Variants in RANBP2 observed in about 807,000 individuals in gnomAD.
RANBP2 encodes RAN binding protein 2.
Under a neutral mutation model 303.6 loss-of-function variants are expected in RANBP2, and 57 were observed. The observed-to-expected ratio is 0.19, with a 90% CI of 0.15 to 0.23. The LOEUF is 0.23. Among genes scored for constraint, RANBP2 ranks in the 10% least tolerant of loss-of-function variants. The pLI, the probability that RANBP2 is intolerant of heterozygous loss-of-function variation, is 1.00. For synonymous variants in RANBP2, 1,167 were observed against 1,301.5 expected, an observed-to-expected ratio of 0.90 and a Z score of 2.23; for missense variants, 3,138 against 3,780.8, an observed-to-expected ratio of 0.83 and a Z score of 4.46.
chr2:109,703,672 G>T, the RANBP2 span, among the ~76,000 whole-genome samples: 3 of 151,964 alleles, frequency 2.0e-5, no homozygotes, highest in African/African-American at 4.8e-5. Flanking sequence ...CAGGTGATCC[G>T]CCCGCCTCGG....
the RANBP2 span, among the ~76,000 whole-genome samples, chr2:108,993,545 G>A: frequency 0.015 from 2,256 of 152,198 alleles, 58 homozygotes; most frequent in African/African-American, 0.051. Flanking sequence ...CAGAGGGAGG[G>A]CCTTTAGGGT....
In RANBP2 at chr2:108,763,695, G is replaced by C. The variant is rs1247870699; in HGVS notation, c.3156G>C (p.Val1052=). ...TCACGTTTTCCTCACCACAGGTTGTGACACAGCCCCCTCCTGCAGCTTACA... is the reference window on the plus strand; with the variant it reads ...TCACGTTTTCCTCACCACAGGTTGTCACACAGCCCCCTCCTGCAGCTTACA... ...GDFTFSSPQV[V]TQPPPAAYSN... Residue 1052 remains valine (V), a synonymous_variant, in exon 20 of 29, where the codon GTG becomes GTC. Transcript: ENST00000283195. 7.4e-6 allele frequency: 12 copies of C among 1,613,938 alleles called. No homozygotes were observed.
the RANBP2 span, among the ~76,000 whole-genome samples, chr2:109,206,006 G>C: frequency 1.3e-5 from 2 of 152,184 alleles, no homozygotes; most frequent in South Asian, 2.1e-4. Context: ...AGGCCAAGTA[G>C]TAGTTGGAGA....
At chr2:108,895,564 A>G in the RANBP2 span, 1 of 152,206 alleles carries the variant, frequency 6.6e-6, no homozygotes, top group African/African-American at 2.4e-5. Context: ...TTTTATTCCC[A>G]TTTAAATGGA....
At chr2:109,012,043 T>C in the RANBP2 span, among the ~76,000 whole-genome samples, 7 of 152,258 alleles carry the variant, frequency 4.6e-5, no homozygotes, top group African/African-American at 1.7e-4. Context: ...TTTTTGTTTC[T>C]GTGTTTCACA....
chr2:108,745,582 A>G (rs1573749170), intron 7 of RANBP2, among the ~76,000 whole-genome samples: 1 of 138,166 alleles, frequency 7.2e-6, no homozygotes, highest in Non-Finnish European at 1.5e-5. Flanking sequence ...TCCCTTTGCC[A>G]TTCTATTCAT....
At chr2:109,722,701 T>C in the RANBP2 span, among the ~76,000 whole-genome samples, 13 of 152,202 alleles carry the variant, frequency 8.5e-5, no homozygotes, top group Non-Finnish European at 1.9e-4. Context: ...GTTTTCATTG[T>C]TCAGCTCCCA....
chr2:109,127,715 G>A, the RANBP2 span: 2 of 152,314 alleles, frequency 1.3e-5, no homozygotes, highest in African/African-American at 4.8e-5. Context: ...GCCAGGCGTG[G>A]TGGCGCACCT....
chr2:109,150,488 C>G, the RANBP2 span, among the ~76,000 whole-genome samples: 1 of 152,142 alleles, frequency 6.6e-6, no homozygotes, highest in Non-Finnish European at 1.5e-5. Context: ...TTTACAAAAA[C>G]GAGGAATTCA....
the RANBP2 span, among the ~76,000 whole-genome samples, chr2:108,900,916 TGAAA>T: frequency 6.6e-6 from 1 of 152,022 alleles, no homozygotes; most frequent in African/African-American, 2.4e-5. Flanking sequence ...CTGATAGACC[TGAAA>T]GAAGAGATAA....
the RANBP2 span, among the ~76,000 whole-genome samples, chr2:109,322,896 GA>G: frequency 6.6e-6 from 1 of 152,210 alleles, no homozygotes; most frequent in Non-Finnish European, 1.5e-5. Context: ...GTAATGTTAA[GA>G]TGAGGCCAAG....
chr2:109,528,947 C>G, the RANBP2 span, among the ~76,000 whole-genome samples: 1 of 152,196 alleles, frequency 6.6e-6, no homozygotes, highest in Non-Finnish European at 1.5e-5. Flanking sequence ...ACCGCTGCAG[C>G]CTGTCCATGC....
chr2:109,295,636 C>T, the RANBP2 span, among the ~76,000 whole-genome samples: 2 of 152,180 alleles, frequency 1.3e-5, no homozygotes, highest in Admixed American at 6.5e-5. Context: ...GCTGCAGACT[C>T]ACTGCAGCCC....
intron 6 of RANBP2, among the ~76,000 whole-genome samples, chr2:108,737,774 G>C (rs1302277429): frequency 3.5e-5 from 5 of 144,784 alleles, no homozygotes; most frequent in South Asian, 2.2e-4. Context: ...AGTACTGTGG[G>C]GCAATCTCGG....
the RANBP2 span, among the ~76,000 whole-genome samples, chr2:109,508,312 G>C: frequency 6.6e-6 from 1 of 152,282 alleles, no homozygotes; most frequent in Non-Finnish European, 1.5e-5. Flanking sequence ...GCCCTGCCCA[G>C]ACTTCATGGA....
At chr2:109,761,031 CA>C in the RANBP2 span, among the ~76,000 whole-genome samples, 1 of 138,554 alleles carries the variant, frequency 7.2e-6, no homozygotes, top group Admixed American at 7.5e-5. Context: ...TCTAGGTAGC[CA>C]GGGGCAGAGC....
the RANBP2 span, among the ~76,000 whole-genome samples, chr2:108,905,154 G>A: frequency 6.6e-6 from 1 of 152,226 alleles, no homozygotes; most frequent in South Asian, 2.1e-4. Flanking sequence ...CAGAGAGGGT[G>A]TTAAGACCTG....
chr2:109,359,249 T>C, the RANBP2 span, among the ~76,000 whole-genome samples: 1 of 152,346 alleles, frequency 6.6e-6, no homozygotes, highest in Non-Finnish European at 1.5e-5. Flanking sequence ...TTGTTGGCTC[T>C]TCTAGGTCTC....
the RANBP2 span, chr2:108,856,889 A>G: frequency 1.1e-5 from 17 of 1,613,242 alleles, no homozygotes; most frequent in Non-Finnish European, 1.4e-5. Context: ...TGTTCCAGTA[A>G]TATTAAGTCA....
Sources: gnomAD v4.1 joint callset for allele counts (sites outside exome capture counted in the v4.1 genomes callset) on GRCh38, gnomAD v4.1.1 for gene constraint, MANE v1.5 for transcripts, NCBI Gene and HGNC (gene_info 2026-07-23, HGNC 2026-07-21) for gene names.